UBE2Z: variants seen among roughly 807,000 people sequenced by gnomAD.
UBE2Z encodes ubiquitin-conjugating enzyme E2 Z.
In UBE2Z, 10 loss-of-function variants were observed where a neutral mutation model predicts 32.6. The observed-to-expected ratio is 0.31, with a 90% CI of 0.19 to 0.52. UBE2Z has a LOEUF of 0.52. Among genes scored for constraint, UBE2Z ranks in the 20% least tolerant of loss-of-function variants. The probability of loss-of-function intolerance (pLI) is 0.97; values close to 1 mark genes in which losing one functional copy is unlikely to be tolerated. For missense variants in UBE2Z, 343 were observed against 480.9 expected (o/e 0.71, Z 2.68); for synonymous variants, 183 against 190.8 (o/e 0.96, Z 0.34).
chr17:48,920,635 C>A (rs1365355028), intron 4 of UBE2Z, among the ~76,000 whole-genome samples: 1 of 151,798 alleles, frequency 6.6e-6, no homozygotes, highest in East Asian at 1.9e-4. Context: ...GAAGTCAAGG[C>A]TGCAGTTAGC....
At chr17:48,915,873 C>G in intron 3 of UBE2Z, 1 of 338,612 alleles carries the variant, frequency 3.0e-6, no homozygotes, top group Non-Finnish European at 5.3e-6. Context: ...TTGCCCCCCC[C>G]CCTTGATTTG....
chr17:48,915,664 C>T (rs2040713481), intron 3 of UBE2Z: 1 of 211,482 alleles, frequency 4.7e-6, no homozygotes, highest in African/African-American at 2.4e-5. Context: ...TCACCTGTGT[C>T]CCTTTATGCT....
chr17:48,915,903 A>G, intron 3 of UBE2Z, 173 bp from the exon 4 acceptor site: 2 of 288,642 alleles, frequency 6.9e-6, no homozygotes, highest in Non-Finnish European at 6.2e-6. Context: ...CAATTGACTG[A>G]TTTCTGGTGA....
intron 6 of UBE2Z, chr17:48,923,220 C>T: frequency 5.1e-6 from 1 of 195,314 alleles, no homozygotes; most frequent in Non-Finnish European, 1.0e-5. Context: ...ACTCAGGAGG[C>T]TGAGGCAGGA....
chr17:48,922,895 G>A lies in UBE2Z; in HGVS notation c.852G>A (p.Val284=), dbSNP rs777214878. ...TGGAGTATTACGACTTCTACGAGGTGGCCTGCAAAGATCGCCTGCACCTTC... is the reference window on the plus strand; with the variant it reads ...TGGAGTATTACGACTTCTACGAGGTAGCCTGCAAAGATCGCCTGCACCTTC... ...SFLEYYDFYE[V]ACKDRLHLQG... is the part of the protein sequence containing the mutation. Residue 284 remains valine, a synonymous_variant, in exon 6 of 7, where the codon GTG becomes GTA. Coordinates refer to ENST00000360943, the MANE Select transcript of UBE2Z (RefSeq NM_023079.5). The A allele has an allele frequency of 1.4e-5, 22 of 1,612,988 alleles. No individual in the cohort carries two copies. In the South Asian group the frequency reaches 2.2e-4, roughly 16 times the overall value.
chr17:48,926,474 CTTT>C (rs35895407), intron 6 of UBE2Z, among the ~76,000 whole-genome samples: 71 of 137,146 alleles, frequency 5.2e-4, no homozygotes, highest in South Asian at 1.2e-3. Context: ...GTAAGAGTGT[CTTT>C]TTTTTTTTTT....
At chr17:48,912,800 C>G in intron 2 of UBE2Z, 34 bp from the exon 3 acceptor site, 1 of 1,611,002 alleles carries the variant, frequency 6.2e-7, no homozygotes, top group Non-Finnish European at 8.5e-7. Context: ...TGGGTCATCA[C>G]CTCACAATTT....
chr17:48,918,209 A>G (rs1407682114), intron 4 of UBE2Z, among the ~76,000 whole-genome samples: 1 of 152,182 alleles, frequency 6.6e-6, no homozygotes, highest in Non-Finnish European at 1.5e-5. Context: ...AAGTGCTGGG[A>G]TTACAGGCGT....
At chr17:48,917,261 G>A (rs1198489738) in intron 4 of UBE2Z, among the ~76,000 whole-genome samples, 1 of 151,914 alleles carries the variant, frequency 6.6e-6, no homozygotes, top group Admixed American at 6.6e-5. Flanking sequence ...GCCAAGATTG[G>A]GCCATTGCAT....
At position 48,926,990 on chromosome 17, in the gene UBE2Z, C is replaced by CT; in HGVS notation, c.924dup (p.Asp309Ter). The CT allele has an allele frequency of 6.2e-7, 1 of 1,613,384 alleles. No homozygotes were observed. Among genetic ancestry groups the CT allele is most frequent in the Non-Finnish European group, 8.5e-7 (1 of 1,179,764 alleles). On this transcript the variant is annotated frameshift_variant, in exon 7 of 7. Coordinates refer to ENST00000360943, the MANE Select transcript of UBE2Z (RefSeq NM_023079.5). LOFTEE classifies it high-confidence loss of function. Reference sequence around the variant, plus strand: ...ACCCTTTTGGAGAGAAGCGGGGCCACTTTGACTACCAGTCCCTCTTGATGC... The same window carrying CT: ...ACCCTTTTGGAGAGAAGCGGGGCCACTTTTGACTACCAGTCCCTCTTGATGC...
chr17:48,912,276 TC>T (rs2040684913), intron 2 of UBE2Z: 1 of 154,568 alleles, frequency 6.5e-6, no homozygotes. Flanking sequence ...GGCTGTGGCC[TC>T]CAATCCCTTT....
In UBE2Z at chr17:48,928,576, TCCCCTTGGAGGATCTGTG is replaced by T. The variant is rs2040813349; in HGVS notation, c.*1444_*1461del. ...GTCTCTGCCTTGTGGATCATGGGAC[TCCCCTTGGAGGATCTGTG>T]CAAAGGGGGGCTGGGCACAAAGGAG... On this transcript the variant is annotated 3_prime_UTR_variant, in exon 7 of 7. Transcript: ENST00000360943. 1 of 152,642 alleles carries T rather than the reference TCCCCTTGGAGGATCTGTG, an allele frequency of 6.6e-6. No homozygotes were observed. The highest frequency in any genetic ancestry group is 1.5e-5 in the Non-Finnish European group (1 of 68,130). 9.5% of individuals were successfully genotyped at this position (152,642 alleles called of 1,614,324 possible).
intron 2 of UBE2Z, 163 bp from the exon 3 acceptor site, chr17:48,912,671 A>G: frequency 1.4e-6 from 1 of 691,614 alleles, no homozygotes; most frequent in East Asian, 2.5e-5. Flanking sequence ...CCTACGTATT[A>G]GTATGAGTGA....
chr17:48,914,259 G>A (rs1440604159), intron 3 of UBE2Z, among the ~76,000 whole-genome samples: 1 of 152,186 alleles, frequency 6.6e-6, no homozygotes, highest in Non-Finnish European at 1.5e-5. Flanking sequence ...CAGAGAACAC[G>A]TGCAGGTTGA....
chr17:48,920,073 G>C (rs1444165970), intron 4 of UBE2Z, among the ~76,000 whole-genome samples: 1 of 152,034 alleles, frequency 6.6e-6, no homozygotes, highest in Non-Finnish European at 1.5e-5. Flanking sequence ...TTGAGTCCCA[G>C]CTACTTGGGA....
chr17:48,910,196 CAT>C (rs1382460570), intron 1 of UBE2Z, among the ~76,000 whole-genome samples: 8 of 152,160 alleles, frequency 5.3e-5, no homozygotes. Context: ...TGGAAGTCCA[CAT>C]GTCATCTTCC....
intron 3 of UBE2Z, among the ~76,000 whole-genome samples, chr17:48,913,665 T>C (rs1278646557): frequency 6.6e-6 from 1 of 152,148 alleles, no homozygotes; most frequent in African/African-American, 2.4e-5. Flanking sequence ...GAAATCTGTT[T>C]TTTACAAGCT....
rs56100763 is a variant in UBE2Z, at chr17:48,923,320, CAAAAAAAAAAA to C, written c.894+400_894+410del. 7.6e-4 allele frequency among the ~76,000 whole-genome samples: 78 copies of C among 102,074 alleles called. No homozygotes were observed. In the East Asian group the frequency reaches 0.013, roughly 17 times the overall value. The allele number at this position is 102,074 out of a possible 152,430, so 67.0% of individuals were successfully genotyped here. On this transcript the variant is annotated intron_variant, in intron 6 of 6. Coordinates refer to ENST00000360943, the MANE Select transcript of UBE2Z (RefSeq NM_023079.5). ...TGGACAACAGACCGAGACTCTGTCTCAAAAAAAAAAAAAAAAAAAAAAAAAAATAGCCAGGC... is the reference window on the plus strand; with the variant it reads ...TGGACAACAGACCGAGACTCTGTCTCAAAAAAAAAAAAAAAATAGCCAGGC...
intron 1 of UBE2Z, chr17:48,910,566 C>G (rs2040668696): frequency 4.9e-6 from 2 of 405,812 alleles, no homozygotes; most frequent in South Asian, 1.1e-4. Flanking sequence ...GATTTTTTTC[C>G]TCTCTCCCTC....
Sources: gnomAD v4.1 joint callset for allele counts (sites outside exome capture counted in the v4.1 genomes callset) on GRCh38, gnomAD v4.1.1 for gene constraint, MANE v1.5 for transcripts, NCBI Gene and HGNC (gene_info 2026-07-23, HGNC 2026-07-21) for gene names.